Variants in EPB41L2 observed in about 807,000 individuals in gnomAD.
EPB41L2 encodes the protein band 4.1-like protein 2.
Under a neutral mutation model 113.0 loss-of-function variants are expected in EPB41L2, and 43 were observed. The observed-to-expected ratio is 0.38, with a 90% CI of 0.30 to 0.49. The LOEUF is 0.49. EPB41L2 is among the 20% of genes least tolerant of loss of function. The pLI, the probability that EPB41L2 is intolerant of heterozygous loss-of-function variation, is 0.95. For synonymous variants in EPB41L2, 442 were observed against 436.7 expected (o/e 1.01, Z -0.15); for missense variants, 1,147 against 1,223.4 (o/e 0.94, Z 0.93).
chr6:130,841,325 G>C (rs1373650228), intron 19 of EPB41L2, among the ~76,000 whole-genome samples: 2 of 152,080 alleles, frequency 1.3e-5, no homozygotes, highest in Non-Finnish European at 2.9e-5. Flanking sequence ...CAGAGAGATA[G>C]AAGACTGGTC....
At chr6:130,894,752 T>C (rs1471612342) in intron 9 of EPB41L2, among the ~76,000 whole-genome samples, 1 of 152,198 alleles carries the variant, frequency 6.6e-6, no homozygotes, top group Non-Finnish European at 1.5e-5. Flanking sequence ...CCTTATCACA[T>C]TTTCTTTTTT....
intron 8 of EPB41L2, among the ~76,000 whole-genome samples, chr6:130,898,800 C>A (rs940122246): frequency 6.6e-6 from 1 of 152,084 alleles, no homozygotes; most frequent in South Asian, 2.1e-4. Context: ...CCCTTAAAAA[C>A]GTAAATAAAT....
chr6:130,903,963 A>G (rs1797007997), intron 6 of EPB41L2, among the ~76,000 whole-genome samples: 1 of 152,204 alleles, frequency 6.6e-6, no homozygotes, highest in African/African-American at 2.4e-5. Context: ...CTCCAAGGAG[A>G]TGGAAATGAA....
At chr6:131,054,490 T>A (rs1314289983) in intron 1 of EPB41L2, among the ~76,000 whole-genome samples, 2 of 152,224 alleles carry the variant, frequency 1.3e-5, no homozygotes, top group African/African-American at 4.8e-5. Context: ...CAAGTCCCTA[T>A]CTTTCCCTAT....
chr6:130,936,280 C>G (rs1424175127), intron 3 of EPB41L2, among the ~76,000 whole-genome samples: 2 of 152,190 alleles, frequency 1.3e-5, no homozygotes, highest in Admixed American at 1.3e-4. Context: ...TATTTCTACT[C>G]TTAGAGTTTA....
At chr6:130,964,192 T>G (rs1249417970) in intron 1 of EPB41L2, among the ~76,000 whole-genome samples, 2 of 152,088 alleles carry the variant, frequency 1.3e-5, no homozygotes, top group African/African-American at 2.4e-5. Context: ...CGGCTAATTT[T>G]TGTATTTTTA....
intron 3 of EPB41L2, among the ~76,000 whole-genome samples, chr6:130,950,150 C>T (rs535812593): frequency 6.6e-6 from 1 of 152,000 alleles, no homozygotes; most frequent in African/African-American, 2.4e-5. Flanking sequence ...AGAGGTACTT[C>T]AAGGGAAAAT....
intron 14 of EPB41L2, among the ~76,000 whole-genome samples, chr6:130,873,468 T>TTC (rs2128454990): frequency 6.6e-6 from 1 of 150,420 alleles, no homozygotes; most frequent in East Asian, 2.0e-4. Context: ...CTATTCAGGT[T>TTC]TTTTTTTTTT....
intron 7 of EPB41L2, 121 bp from the exon 8 acceptor site, chr6:130,899,699 A>G: frequency 1.2e-6 from 1 of 828,012 alleles, no homozygotes; most frequent in Non-Finnish European, 1.9e-6. Context: ...CCAAGTTTGC[A>G]GAAAAGTAGG....
At chr6:130,990,995 G>GT (rs914801544) in intron 1 of EPB41L2, among the ~76,000 whole-genome samples, 1 of 109,348 alleles carries the variant, frequency 9.1e-6, no homozygotes, top group Admixed American at 9.3e-5. Flanking sequence ...CCTGGCTAAT[G>GT]TTTTTTTGTA....
chr6:131,010,137 G>T (rs995463284), intron 1 of EPB41L2, among the ~76,000 whole-genome samples: 2 of 152,122 alleles, frequency 1.3e-5, no homozygotes, highest in African/African-American at 4.8e-5. Context: ...TTACATTATA[G>T]AGTTACTATT....
chr6:131,019,930 T>C (rs1225035203), intron 1 of EPB41L2, among the ~76,000 whole-genome samples: 1 of 152,150 alleles, frequency 6.6e-6, no homozygotes, highest in African/African-American at 2.4e-5. Flanking sequence ...TTCTCCTCCA[T>C]GGCAGTATGA....
chr6:130,955,343 A>C, intron 2 of EPB41L2, 26 bp from the exon 3 acceptor site: 1 of 1,605,896 alleles, frequency 6.2e-7, no homozygotes, highest in South Asian at 1.1e-5. Context: ...AAATAAATTC[A>C]TACTATAGTC....
intron 7 of EPB41L2, among the ~76,000 whole-genome samples, 193 bp from the exon 8 acceptor site, chr6:130,899,771 C>A (rs1338660603): frequency 2.1e-5 from 3 of 141,428 alleles, no homozygotes; most frequent in Non-Finnish European, 4.8e-5. Flanking sequence ...ATAATGTAAA[C>A]CTGCTAAACT....
chr6:130,886,503 A>G (rs2128473852), intron 11 of EPB41L2, among the ~76,000 whole-genome samples: 1 of 152,084 alleles, frequency 6.6e-6, no homozygotes, highest in East Asian at 1.9e-4. Flanking sequence ...CTACTACCTC[A>G]CCTTGTGGAG....
At chr6:130,956,625 A>G (rs1817528898) in intron 1 of EPB41L2, 126 bp from the exon 2 acceptor site, 6 of 867,324 alleles carry the variant, frequency 6.9e-6, no homozygotes, top group Non-Finnish European at 1.0e-5. Context: ...AAGCACATCA[A>G]GAAAGAAGAT....
intron 1 of EPB41L2, chr6:130,978,931 AC>A (rs1054282319): frequency 5.3e-5 from 8 of 152,232 alleles, no homozygotes; most frequent in African/African-American, 1.9e-4. Context: ...CACACTCTTC[AC>A]CGTGGGAACA....
intron 1 of EPB41L2, among the ~76,000 whole-genome samples, chr6:131,018,388 A>G (rs1788718449): frequency 6.6e-6 from 1 of 152,126 alleles, no homozygotes; most frequent in Admixed American, 6.5e-5. Context: ...TGAGACAGCT[A>G]TTTCTAAATG....
At position 130,858,116 on chromosome 6, in the gene EPB41L2, T is replaced by C. The variant is rs747642406; in HGVS notation, c.*5+15A>G. 3.8e-6 allele frequency: 6 copies of C among 1,595,300 alleles called. No individual in the cohort carries two copies. Among genetic ancestry groups the C allele is most frequent in the Non-Finnish European group, 4.3e-6 (5 of 1,163,224 alleles). On this transcript the variant is annotated intron_variant, in intron 19 of 19. Transcript: ENST00000337057. ...CAGTCACTAGAAAGGCCACAGACAA[T>C]GAGGGCTCTCTTACCTTACTTAATC...
Sources: gnomAD v4.1 joint callset for allele counts (sites outside exome capture counted in the v4.1 genomes callset) on GRCh38, gnomAD v4.1.1 for gene constraint, MANE v1.5 for transcripts, NCBI Gene and HGNC (gene_info 2026-07-23, HGNC 2026-07-21) for gene names.